The following SAMMSON variants were observed in gnomAD, a reference collection of about 807,000 sequenced individuals.
The protein encoded by SAMMSON is long intergenic non-protein coding RNA 1212.
At chr3:70,061,740 A>G (rs72935455) in intron 3 of SAMMSON, among the ~76,000 whole-genome samples, 2,777 of 152,196 alleles carry the variant, frequency 0.018, 76 homozygotes, top group African/African-American at 0.064. Context: ...CCACGGCTAC[A>G]TTCATTCCCC....
chr3:70,323,643 T>C (rs917131544), intron 7 of SAMMSON, among the ~76,000 whole-genome samples: 2 of 152,200 alleles, frequency 1.3e-5, no homozygotes, highest in African/African-American at 4.8e-5. Context: ...AAATATATTT[T>C]TGTGGGAGAT....
At chr3:70,291,468 C>A (rs1702239141) in intron 7 of SAMMSON, among the ~76,000 whole-genome samples, 1 of 152,196 alleles carries the variant, frequency 6.6e-6, no homozygotes, top group Non-Finnish European at 1.5e-5. Flanking sequence ...AGAATCTTGT[C>A]TATAGCTCTG....
intron 9 of SAMMSON, among the ~76,000 whole-genome samples, chr3:70,375,123 C>G (rs1168275863): frequency 2.6e-5 from 4 of 152,106 alleles, no homozygotes; most frequent in African/African-American, 9.7e-5. Flanking sequence ...TGCCATATTG[C>G]TAAAAGTGGA....
chr3:70,223,927 C>G (rs896010831), intron 4 of SAMMSON, among the ~76,000 whole-genome samples: 1 of 151,950 alleles, frequency 6.6e-6, no homozygotes, highest in Non-Finnish European at 1.5e-5. Context: ...CTCTCCTCTC[C>G]CCCCACCCTT....
At position 70,106,506 on chromosome 3, in the gene SAMMSON, A is replaced by AT. The variant is rs10715914; in HGVS notation, n.507+34955dup. 2.0e-3 allele frequency among the ~76,000 whole-genome samples: 295 copies of AT among 144,726 alleles called. 1 individual carries two copies. Among genetic ancestry groups the AT allele is most frequent in the South Asian group, 9.7e-3 (44 of 4,544 alleles). 94.9% of individuals were successfully genotyped at this position (144,726 alleles called of 152,430 possible). ...CAGGCACATGCCACCATGCCTGGCT[A>AT]TTTTTTTTTTTTTTCTAGAGATAGA... On this transcript the variant is annotated intron_variant and non_coding_transcript_variant, in intron 4 of 9. Coordinates refer to ENST00000642114, the Ensembl canonical transcript of SAMMSON.
Position 70,337,144 on chromosome 3 carries a change from A to C in SAMMSON, n.740-17031A>C, listed in dbSNP as rs189255868. ...TAATAATAATATCTAACTTAATATTATTATTAATAATAATATCTAACTTAA... is the reference window on the plus strand; with the variant it reads ...TAATAATAATATCTAACTTAATATTCTTATTAATAATAATATCTAACTTAA... On this transcript the variant is annotated intron_variant and non_coding_transcript_variant, in intron 7 of 9. Coordinates refer to ENST00000642114, the Ensembl canonical transcript of SAMMSON. 2.9e-3 allele frequency among the ~76,000 whole-genome samples: 196 copies of C among 68,500 alleles called. 1 individual carries two copies. Among genetic ancestry groups the C allele is most frequent in the African/African-American group, 5.6e-3 (120 of 21,452 alleles). The allele number at this position is 68,500 out of a possible 152,430, so 44.9% of individuals were successfully genotyped here.
intron 9 of SAMMSON, among the ~76,000 whole-genome samples, chr3:70,385,641 C>T (rs968318463): frequency 1.3e-5 from 2 of 152,048 alleles, no homozygotes; most frequent in Non-Finnish European, 2.9e-5. Flanking sequence ...CAGCAATAGT[C>T]TGTCAATACT....
chr3:70,214,446 G>C (rs962389574), intron 4 of SAMMSON, among the ~76,000 whole-genome samples: 1 of 151,956 alleles, frequency 6.6e-6, no homozygotes, highest in Non-Finnish European at 1.5e-5. Context: ...GAGAGAAAAG[G>C]CTAAAGTATA....
chr3:70,183,397 C>G (rs1701069031), intron 4 of SAMMSON: 1 of 152,106 alleles, frequency 6.6e-6, no homozygotes, highest in South Asian at 2.1e-4. Context: ...GAAGATAATC[C>G]TGATGCTTCA....
intron 2 of SAMMSON, among the ~76,000 whole-genome samples, chr3:70,411,997 T>C (rs1047504606): frequency 6.6e-6 from 1 of 152,168 alleles, no homozygotes; most frequent in African/African-American, 2.4e-5. Context: ...ACTTCAACTG[T>C]TTAGAACCAA....
intron 4 of SAMMSON, among the ~76,000 whole-genome samples, chr3:70,185,881 G>A (rs1463300917): frequency 6.6e-6 from 1 of 152,074 alleles, no homozygotes; most frequent in Non-Finnish European, 1.5e-5. Context: ...GGAAGCTGAG[G>A]TGGGAGGATC....
intron 4 of SAMMSON, among the ~76,000 whole-genome samples, chr3:70,121,300 C>T (rs2067432168): frequency 6.6e-6 from 1 of 152,060 alleles, no homozygotes. Flanking sequence ...GGTCCCTGGC[C>T]CGAGGGTTGG....
Position 70,242,392 on chromosome 3 carries a change from TTC to T in SAMMSON, n.508-6713_508-6712del, listed in dbSNP as rs546448761. On this transcript the variant is annotated intron_variant and non_coding_transcript_variant, in intron 4 of 9. Coordinates refer to ENST00000642114, the Ensembl canonical transcript of SAMMSON. ...AACTTTTTTCCCATTTGTGGAAAATTTCTTTTTGTAGAATTAGATAATTATAA... is the reference window on the plus strand; with the variant it reads ...AACTTTTTTCCCATTTGTGGAAAATTTTTTTGTAGAATTAGATAATTATAA... 3.7e-3 allele frequency among the ~76,000 whole-genome samples: 566 copies of T among 152,272 alleles called. 3 individuals are homozygous for T. Among genetic ancestry groups the T allele is most frequent in the Non-Finnish European group, 5.7e-3 (387 of 68,026 alleles).
intron 2 of SAMMSON, among the ~76,000 whole-genome samples, chr3:70,433,996 A>C (rs1362978469): frequency 6.6e-6 from 1 of 152,126 alleles, no homozygotes; most frequent in African/African-American, 2.4e-5. Flanking sequence ...TGTTCCATTC[A>C]TCTGTTCATC....
chr3:70,274,326 G>A (rs1230806824), intron 6 of SAMMSON, among the ~76,000 whole-genome samples: 1 of 151,958 alleles, frequency 6.6e-6, no homozygotes, highest in Admixed American at 6.6e-5. Context: ...AATGAAACAA[G>A]GTTGAGAATC....
At chr3:70,398,971 C>T (rs1352389711) in intron 2 of SAMMSON, among the ~76,000 whole-genome samples, 2 of 152,132 alleles carry the variant, frequency 1.3e-5, no homozygotes, top group Admixed American at 1.3e-4. Flanking sequence ...CTTAATTCAT[C>T]CTTTAGCAAT....
At chr3:70,418,244 C>G (rs1311887171) in intron 2 of SAMMSON, among the ~76,000 whole-genome samples, 1 of 152,184 alleles carries the variant, frequency 6.6e-6, no homozygotes, top group Admixed American at 6.5e-5. Context: ...AATGTCTGTT[C>G]AAGCCCAATC....
chr3:70,156,236 C>G (rs1576137929), intron 4 of SAMMSON, among the ~76,000 whole-genome samples: 1 of 152,050 alleles, frequency 6.6e-6, no homozygotes, highest in Non-Finnish European at 1.5e-5. Flanking sequence ...CCCACCCATT[C>G]AGAGCTGAAG....
chr3:70,245,955 G>A (rs928758601), intron 4 of SAMMSON, among the ~76,000 whole-genome samples: 2 of 150,474 alleles, frequency 1.3e-5, no homozygotes, highest in Admixed American at 1.3e-4. Flanking sequence ...TGCCTGCTTT[G>A]TTCTTTTGAT....
Sources: gnomAD v4.1 joint callset for allele counts (sites outside exome capture counted in the v4.1 genomes callset) on GRCh38, gnomAD v4.1.1 for gene constraint, MANE v1.5 for transcripts, NCBI Gene and HGNC (gene_info 2026-07-23, HGNC 2026-07-21) for gene names.